CEP85: variants seen among roughly 807,000 people sequenced by gnomAD.
CEP85 encodes the protein centrosomal protein of 85 kDa.
CEP85 carries 58 observed loss-of-function variants against 93.7 expected under a neutral mutation model. The ratio of observed to expected loss-of-function variants is 0.62; its 90% confidence interval spans 0.50 to 0.77. The LOEUF (loss-of-function observed/expected upper bound fraction) is 0.77. Ranked by LOEUF, CEP85 falls within the 30% of genes least tolerant of loss-of-function variation. CEP85 has a pLI of 0.00. For synonymous variants in CEP85, 314 were observed against 338.6 expected (o/e 0.93, Z 0.80); for missense variants, 868 against 922.0 (o/e 0.94, Z 0.76).
chr1:26,260,067 A>ATT lies in CEP85; in HGVS notation c.1341+266_1341+267insTT, dbSNP rs2089782490. The stretch of plus-strand genomic sequence containing the variant: ...TCACTGTCCCAGGTTGTGCTGTGCA[A>ATT]TGTACCACCAGCTGGTCTGGGTAGA... On this transcript the variant is annotated intron_variant, in intron 7 of 13. Coordinates refer to ENST00000451429, the MANE Select transcript of CEP85 (RefSeq NM_001319944.2). 2.0e-5 allele frequency among the ~76,000 whole-genome samples: 3 copies of ATT among 152,308 alleles called. No homozygotes were observed. The South Asian group carries it at 6.2e-4, about 32-fold the overall frequency.
At position 26,254,829 on chromosome 1, in the gene CEP85, TTAAG is replaced by T. The variant is rs527408259; in HGVS notation, c.209-334_209-331del. ...AAGAGTAGGACCTAACTCATTTTCCTTAAGTAAGTAATTTGTTTTAAAGTTTAAA... is the reference window on the plus strand; with the variant it reads ...AAGAGTAGGACCTAACTCATTTTCCTTAAGTAATTTGTTTTAAAGTTTAAA... On this transcript the variant is annotated intron_variant, in intron 3 of 13. Coordinates refer to ENST00000451429, the MANE Select transcript of CEP85 (RefSeq NM_001319944.2). The T allele has an allele frequency of 1.9e-3, 466 of 241,372 alleles. 1 individual carries two copies. The highest frequency in any genetic ancestry group is 0.012 in the Middle Eastern group (8 of 650). The allele number at this position is 241,372 out of a possible 1,614,324, so 15.0% of individuals were successfully genotyped here.
At position 26,276,654 on chromosome 1, in the gene CEP85, C is replaced by G. The variant is rs750473931; in HGVS notation, c.2022C>G (p.His674Gln). 3 of 1,614,222 alleles carry G rather than the reference C, an allele frequency of 1.9e-6. No homozygotes were observed. Among genetic ancestry groups the G allele is most frequent in the Non-Finnish European group, 2.5e-6 (3 of 1,180,044 alleles). The change falls in exon 13 of 14, where the codon CAC (histidine) becomes CAG (glutamine). Residue 674 changes from histidine (H) to glutamine (Q), a missense_variant. Transcript: ENST00000451429. ...PDTAQLALEL[H>Q]QELASCLQDL... ...CGGCCCAGCTGGCACTTGAGCTGCACCAGGAGTTGGCCAGTTGCCTTCAAG... is the reference window on the plus strand; with the variant it reads ...CGGCCCAGCTGGCACTTGAGCTGCAGCAGGAGTTGGCCAGTTGCCTTCAAG...
At chr1:26,267,727 G>A (rs1230359630) in intron 7 of CEP85, among the ~76,000 whole-genome samples, 1 of 152,216 alleles carries the variant, frequency 6.6e-6, no homozygotes, top group Non-Finnish European at 1.5e-5. Context: ...GTGAGCTGCT[G>A]TGTCCAGAGT....
chr1:26,264,426 G>A (rs912629083), intron 7 of CEP85, among the ~76,000 whole-genome samples: 2 of 152,130 alleles, frequency 1.3e-5, no homozygotes, highest in African/African-American at 2.4e-5. Flanking sequence ...CCAGCTACTC[G>A]GGAGGCTGAG....
Position 26,259,671 on chromosome 1 carries a change from G to C in CEP85, c.1210G>C (p.Ala404Pro). 1 of 1,614,060 alleles carries C rather than the reference G, an allele frequency of 6.2e-7. No individual in the cohort carries two copies. The highest frequency in any genetic ancestry group is 1.6e-4 in the Middle Eastern group (1 of 6,062). Residue 404 changes from alanine (A) to proline (P), a missense_variant, in exon 7 of 14, where the codon GCC becomes CCC. Coordinates refer to ENST00000451429, the MANE Select transcript of CEP85 (RefSeq NM_001319944.2). ...TGCACAGTTTGCACAGAAGACAGAA[G>C]CCTTGAGCAGAGAAAAGATTGACCT... ...LRAQFAQKTE[A>P]LSREKIDLEK...
In CEP85 at chr1:26,269,611, A is replaced by G; in HGVS notation, c.1646A>G (p.His549Arg). ...QREAEFSSAG[H>R]SLQDKQSVEE... ...GAAGCAGAATTCTCCTCCGCTGGAC[A>G]TAGGTAAATAACCCTGTGGGACTGA... The change falls in exon 9 of 14, where the codon CAT becomes CGT. Residue 549 changes from histidine (H) to arginine (R), a missense_variant. His to Arg is a conservative substitution (Grantham distance 29). Transcript: ENST00000451429. The G allele has an allele frequency of 1.9e-6, 3 of 1,612,822 alleles. No homozygotes were observed. The highest frequency in any genetic ancestry group is 1.7e-6 in the Non-Finnish European group (2 of 1,179,268).
intron 3 of CEP85, among the ~76,000 whole-genome samples, chr1:26,247,961 C>T (rs1271408361): frequency 6.6e-6 from 1 of 152,064 alleles, no homozygotes; most frequent in Non-Finnish European, 1.5e-5. Flanking sequence ...GCACCCAGCC[C>T]CTAGAGTTAA....
Position 26,268,479 on chromosome 1 carries a change from C to G in CEP85, c.1342-4C>G. ...GGAGACAGACTTGACATTTATTTTCCTAGGTCAAAGGTCGTGATAAACATA... is the reference window on the plus strand; with the variant it reads ...GGAGACAGACTTGACATTTATTTTCGTAGGTCAAAGGTCGTGATAAACATA... On this transcript the variant is annotated splice_polypyrimidine_tract_variant and splice_region_variant and intron_variant, in intron 7 of 13. Coordinates refer to ENST00000451429, the MANE Select transcript of CEP85 (RefSeq NM_001319944.2). The G allele has an allele frequency of 6.2e-7, 1 of 1,613,916 alleles. No individual in the cohort carries two copies. Among genetic ancestry groups the G allele is most frequent in the Non-Finnish European group, 8.5e-7 (1 of 1,179,932 alleles).
At chr1:26,241,905 G>A (rs538684892) in intron 2 of CEP85, among the ~76,000 whole-genome samples, 40 of 151,980 alleles carry the variant, frequency 2.6e-4, no homozygotes, top group Non-Finnish European at 4.3e-4. Flanking sequence ...GGGATTACAG[G>A]CATGCACCAC....
chr1:26,273,901 A>AAATAAATAAATAAAT lies in CEP85; in HGVS notation c.1795-1061_1795-1060insTAAATAAATAAATAA, dbSNP rs60960910. Reference sequence around the variant, plus strand: ...GGGCGACAGAGTGAAACCCCATCTCAAAATAAATAAATAAATAAATAAATA... The same window carrying AAATAAATAAATAAAT: ...GGGCGACAGAGTGAAACCCCATCTCAAATAAATAAATAAATAAATAAATAAATAAATAAATAAATA... On this transcript the variant is annotated intron_variant, in intron 11 of 13. Transcript: ENST00000451429. Among the ~76,000 whole-genome samples the AAATAAATAAATAAAT allele has an allele frequency of 1.4e-4, 20 of 141,488 alleles. No homozygotes were observed. In the East Asian group the frequency reaches 2.6e-3, roughly 18 times the overall value. 92.8% of individuals were successfully genotyped at this position (141,488 alleles called of 152,430 possible).
intron 2 of CEP85, among the ~76,000 whole-genome samples, chr1:26,242,842 G>C (rs956613573): frequency 6.6e-5 from 10 of 152,200 alleles, no homozygotes; most frequent in African/African-American, 2.4e-4. Flanking sequence ...ATACACCTTA[G>C]GAAAATTATA....
At chr1:26,247,346 T>C (rs1053577661) in intron 3 of CEP85, among the ~76,000 whole-genome samples, 1 of 152,108 alleles carries the variant, frequency 6.6e-6, no homozygotes, top group African/African-American at 2.4e-5. Context: ...GTGAGCAAAT[T>C]GTATAATATG....
intron 3 of CEP85, among the ~76,000 whole-genome samples, chr1:26,251,352 G>A (rs1360363332): frequency 1.3e-5 from 2 of 149,734 alleles, no homozygotes; most frequent in African/African-American, 4.9e-5. Context: ...CCCGGTTTCA[G>A]GCGATTCTCC....
intron 7 of CEP85, among the ~76,000 whole-genome samples, chr1:26,265,826 A>G (rs1462823831): frequency 6.6e-6 from 1 of 151,384 alleles, no homozygotes; most frequent in Non-Finnish European, 1.5e-5. Flanking sequence ...ACTCCTCTTA[A>G]TCCTGGTACT....
intron 1 of CEP85, among the ~76,000 whole-genome samples, chr1:26,238,223 C>T (rs1484816726): frequency 3.9e-3 from 18 of 4,566 alleles, no homozygotes; most frequent in South Asian, 0.024. Flanking sequence ...TTTTTTGAGA[C>T]GGAGTCTTGC....
chr1:26,265,965 T>C (rs770156591), intron 7 of CEP85, among the ~76,000 whole-genome samples: 1 of 151,896 alleles, frequency 6.6e-6, no homozygotes, highest in Admixed American at 6.6e-5. Context: ...CCCAGCACTT[T>C]GGGAGGCCGA....
At chr1:26,242,880 T>C (rs1056551829) in intron 2 of CEP85, among the ~76,000 whole-genome samples, 3 of 152,200 alleles carry the variant, frequency 2.0e-5, no homozygotes, top group African/African-American at 7.2e-5. Context: ...AATTTAAGTC[T>C]TTGCTAGAAT....
chr1:26,273,498 T>C (rs2090007961), intron 11 of CEP85, among the ~76,000 whole-genome samples: 1 of 152,190 alleles, frequency 6.6e-6, no homozygotes. Flanking sequence ...TTTTAATGGA[T>C]CTCAAAATAG....
chr1:26,275,611 C>T (rs540792114), intron 12 of CEP85, among the ~76,000 whole-genome samples: 170 of 152,266 alleles, frequency 1.1e-3, no homozygotes, highest in African/African-American at 4.0e-3. Flanking sequence ...AAGTCATTCT[C>T]TCTTCCTTTG....
Sources: gnomAD v4.1 joint callset for allele counts (sites outside exome capture counted in the v4.1 genomes callset) on GRCh38, gnomAD v4.1.1 for gene constraint, MANE v1.5 for transcripts, NCBI Gene and HGNC (gene_info 2026-07-23, HGNC 2026-07-21) for gene names.